CDKL3: variants seen among roughly 807,000 people sequenced by gnomAD.
CDKL3 encodes cyclin-dependent kinase-like 3.
A neutral mutation model predicts 69.3 loss-of-function variants in CDKL3; 65 were observed. That is an observed-to-expected ratio of 0.94 (90% CI 0.77 to 1.15). The LOEUF is 1.15. Among genes scored for constraint, CDKL3 ranks in the 50% most tolerant of loss-of-function variants. The pLI is 0.00. For synonymous variants in CDKL3, 202 were observed against 221.6 expected (o/e 0.91, Z 0.79); for missense variants, 652 against 689.2 (o/e 0.95, Z 0.61).
At chr5:134,328,025 C>G (rs1035973455) in intron 4 of CDKL3, among the ~76,000 whole-genome samples, 11 of 152,054 alleles carry the variant, frequency 7.2e-5, no homozygotes, top group Admixed American at 5.2e-4. Context: ...ATAACAGTAA[C>G]AAGTCCCAGA....
At position 134,366,379 on chromosome 5, in the gene CDKL3, T is replaced by C. The variant is rs1426878872; in HGVS notation, c.145A>G (p.Arg49Gly). 3 of 1,577,260 alleles carry C rather than the reference T, an allele frequency of 1.9e-6. No individual in the cohort carries two copies. In the African/African-American group the frequency reaches 4.1e-5, roughly 21 times the overall value. ...PEQSVNKIAM[R>G]EIKFLKQFHH... ...CAAACCTTTAGAAACTTTATTTCTC[T>C]CATCGCAATTTTGTTGACAGATTGT... The change falls in exon 2 of 13, where the codon AGA becomes GGA. Residue 49 changes from arginine (R) to glycine (G), a missense_variant. Coordinates refer to ENST00000265334, the MANE Select transcript of CDKL3 (RefSeq NM_001113575.2).
At chr5:134,348,448 C>G (rs1752472971) in intron 4 of CDKL3, among the ~76,000 whole-genome samples, 1 of 152,088 alleles carries the variant, frequency 6.6e-6, no homozygotes, top group South Asian at 2.1e-4. Flanking sequence ...GACTCACTAG[C>G]AAATTTGTTT....
chr5:134,363,353 G>A (rs536246573), intron 2 of CDKL3, among the ~76,000 whole-genome samples: 1 of 152,090 alleles, frequency 6.6e-6, no homozygotes, highest in African/African-American at 2.4e-5. Flanking sequence ...GAGTGCAGTG[G>A]CGTGGTCTCG....
rs115149773 is a variant in CDKL3, at chr5:134,361,559, T to A, written c.166-1468A>T. ...TCCTTTTTGCTCCAAATTTCCCTGG[T>A]TGGCAAGATGCCACAGTGCTGCAGC... On this transcript the variant is annotated intron_variant, in intron 2 of 12. Coordinates refer to ENST00000265334, the MANE Select transcript of CDKL3 (RefSeq NM_001113575.2). Among the ~76,000 whole-genome samples the A allele has an allele frequency of 5.2e-3, 797 of 152,336 alleles. 9 individuals are homozygous for A. Among genetic ancestry groups the A allele is most frequent in the African/African-American group, 0.018 (760 of 41,582 alleles).
chr5:134,319,318 A>G, intron 6 of CDKL3, 40 bp downstream of exon 6: 1 of 1,439,690 alleles, frequency 6.9e-7, no homozygotes, highest in Non-Finnish European at 9.2e-7. Flanking sequence ...CGACAGAGCA[A>G]GACTCTGTCT....
At chr5:134,297,347 C>T (rs1580763487), downstream of CDKL3, among the ~76,000 whole-genome samples, 2 of 152,096 alleles carry the variant, frequency 1.3e-5, no homozygotes, top group South Asian at 2.1e-4. Flanking sequence ...GTTTCCTTAA[C>T]GTTAGGGTCC....
At chr5:134,310,775 C>T (rs1417921603) in intron 7 of CDKL3, among the ~76,000 whole-genome samples, 1 of 152,200 alleles carries the variant, frequency 6.6e-6, no homozygotes, top group Non-Finnish European at 1.5e-5. Context: ...ACATGAGCTG[C>T]AGCACCTTGC....
At chr5:134,302,519 C>T (rs1766601328) in intron 12 of CDKL3, 71 bp downstream of exon 12, 1 of 768,006 alleles carries the variant, frequency 1.3e-6, no homozygotes, top group African/African-American at 1.8e-5. Flanking sequence ...ATAGTAATAA[C>T]TAAATTTATA....
At chr5:134,345,002 T>C (rs1751483481) in intron 4 of CDKL3, among the ~76,000 whole-genome samples, 1 of 152,028 alleles carries the variant, frequency 6.6e-6, no homozygotes, top group Non-Finnish European at 1.5e-5. Context: ...GAGGCGGATG[T>C]TGCAGTGAGC....
At position 134,307,371 on chromosome 5, in the gene CDKL3, T is replaced by C. The variant is rs150061491; in HGVS notation, c.1365-669A>G. Among the ~76,000 whole-genome samples the C allele has an allele frequency of 2.0e-3, 301 of 152,298 alleles. 3 individuals are homozygous for C. The highest frequency in any genetic ancestry group is 6.6e-3 in the African/African-American group (275 of 41,574). Reference sequence around the variant, plus strand: ...AACCATTGTTACTGATACCATGGTTTTGGGATCACCTCAAGAACAACTAGG... The same window carrying C: ...AACCATTGTTACTGATACCATGGTTCTGGGATCACCTCAAGAACAACTAGG... On this transcript the variant is annotated intron_variant, in intron 9 of 12. Transcript: ENST00000265334.
chr5:134,302,706 A>C lies in CDKL3; in HGVS notation c.1622-19T>G. The C allele has an allele frequency of 7.7e-7, 1 of 1,301,278 alleles. No individual in the cohort carries two copies. Among genetic ancestry groups the C allele is most frequent in the Non-Finnish European group, 1.1e-6 (1 of 933,212 alleles). 80.6% of individuals were successfully genotyped at this position (1,301,278 alleles called of 1,614,324 possible). ...TGTTTAACTTTTGCAAAAATATACA[A>C]AACAATGAAAATTTGTTATTCCTAC... On this transcript the variant is annotated intron_variant, in intron 11 of 12. Transcript: ENST00000265334.
At chr5:134,337,743 A>T (rs1777466419) in intron 4 of CDKL3, among the ~76,000 whole-genome samples, 1 of 152,324 alleles carries the variant, frequency 6.6e-6, no homozygotes, top group Middle Eastern at 3.4e-3. Context: ...ATAAAGCATC[A>T]ATGCTTTCAC....
chr5:134,340,224 G>T (rs574338231), intron 4 of CDKL3, among the ~76,000 whole-genome samples: 8 of 152,078 alleles, frequency 5.3e-5, no homozygotes, highest in Admixed American at 2.6e-4. Flanking sequence ...AGCATTTGTG[G>T]GATGCAGTAA....
At chr5:134,312,931 T>C (rs973327662) in intron 6 of CDKL3, among the ~76,000 whole-genome samples, 1 of 152,260 alleles carries the variant, frequency 6.6e-6, no homozygotes, top group African/African-American at 2.4e-5. Context: ...GAAGGTAGTT[T>C]TGAATGTTAA....
intron 12 of CDKL3, chr5:134,299,797 C>G: frequency 7.9e-7 from 1 of 1,265,996 alleles, no homozygotes; most frequent in Non-Finnish European, 1.1e-6. Flanking sequence ...CATGGTGAGT[C>G]TTTGGCTAAG....
rs28852698 is a variant in CDKL3, at chr5:134,324,370, T to G, written c.540-2467A>C. 4.1e-3 allele frequency among the ~76,000 whole-genome samples: 629 copies of G among 152,332 alleles called. 5 individuals carry two copies. The highest frequency in any genetic ancestry group is 0.013 in the African/African-American group (560 of 41,574). On this transcript the variant is annotated intron_variant, in intron 4 of 12. Transcript: ENST00000265334. ...TTTACCCAAGTGAGTAGAACACTTC[T>G]GTCCACATAAAAACCTGGACACGAA...
At chr5:134,367,444 G>A (rs1757732516), upstream of CDKL3, 1 of 953,190 alleles carries the variant, frequency 1.0e-6, no homozygotes, top group Non-Finnish European at 1.2e-6. Flanking sequence ...GCTGATCTTG[G>A]CTCACTGCAA....
intron 4 of CDKL3, among the ~76,000 whole-genome samples, chr5:134,350,031 T>G (rs1752875238): frequency 6.6e-6 from 1 of 151,956 alleles, no homozygotes; most frequent in Admixed American, 6.6e-5. Flanking sequence ...CTACTAAAAA[T>G]ACAAAAATTA....
intron 4 of CDKL3, among the ~76,000 whole-genome samples, chr5:134,334,926 C>T (rs1279426378): frequency 1.3e-5 from 2 of 151,914 alleles, no homozygotes; most frequent in Admixed American, 6.6e-5. Context: ...TAAATTCTCC[C>T]GTTATTATTG....
Sources: allele counts gnomAD v4.1 joint callset (sites outside exome capture counted in the v4.1 genomes callset), GRCh38; gene constraint gnomAD v4.1.1; transcripts MANE v1.5; gene names NCBI Gene and HGNC (gene_info 2026-07-23, HGNC 2026-07-21).